The following GJD4 variants were observed in gnomAD, a reference collection of about 807,000 sequenced individuals.
The protein encoded by GJD4 is gap junction protein delta 4, also known as gap junction delta-4 protein.
Under a neutral mutation model 17.9 loss-of-function variants are expected in GJD4, and 18 were observed. The ratio of observed to expected loss-of-function variants is 1.00; its 90% confidence interval spans 0.69 to 1.49. The LOEUF (loss-of-function observed/expected upper bound fraction) is 1.49, where lower values mean the gene tolerates loss of function less well. Ranked by LOEUF, GJD4 falls within the 40% of genes most tolerant of loss-of-function variation. The pLI is 0.00. For synonymous variants in GJD4, 293 were observed against 236.8 expected, an observed-to-expected ratio of 1.24 and a Z score of -2.18; for missense variants, 639 against 506.9, an observed-to-expected ratio of 1.26 and a Z score of -2.50.
rs1369423848 is a variant in GJD4, at chr10:35,607,774, C to T, written c.261C>T (p.Leu87=). 2 of 1,609,496 alleles carry T rather than the reference C, an allele frequency of 1.2e-6. No homozygotes were observed. The highest frequency in any genetic ancestry group is 1.7e-6 in the Non-Finnish European group (2 of 1,179,994). The change falls in exon 2 of 2, where the codon CTC becomes CTT. Residue 87 remains leucine, a synonymous_variant. Coordinates refer to ENST00000321660, the MANE Select transcript of GJD4 (RefSeq NM_153368.3). ...TGATCCAGGGCGTGTGCGTCCTCCT[C>T]CCCTCCGCCGTCTTCAGCGTCTATG... is the stretch of plus-strand genomic sequence containing the variant. ...FWLIQGVCVL[L]PSAVFSVYVL...
rs748959114 is a variant in GJD4, at chr10:35,608,131, GC to G, written c.619del (p.Leu207CysfsTer92). 6.2e-7 allele frequency: 1 copy of G among 1,609,220 alleles called. No homozygotes were observed. ...TGCTGTTCCTCTGGGCGGTCAGCGC[GC>G]TGTCTTTTCTGCTGGGCCTCGCCGA... ...LMLFLWAVSA[L>X]SFLLGLADLV... On this transcript the variant is annotated frameshift_variant, in exon 2 of 2. Coordinates refer to ENST00000321660, the MANE Select transcript of GJD4 (RefSeq NM_153368.3). LOFTEE classifies it high-confidence loss of function.
rs1318990973 is a variant in GJD4 at position 35,608,667 on chromosome 10, A to G, written c.*41A>G. ...GCGGTGCCCCGGGGCTCACGCCTGTAATCCCAACACTTTGGGAGGCCCAGG... is the reference window on the plus strand; with the variant it reads ...GCGGTGCCCCGGGGCTCACGCCTGTGATCCCAACACTTTGGGAGGCCCAGG... On this transcript the variant is annotated 3_prime_UTR_variant, in exon 2 of 2. Coordinates refer to ENST00000321660, the MANE Select transcript of GJD4 (RefSeq NM_153368.3). 7.1e-7 allele frequency: 1 copy of G among 1,402,828 alleles called. No individual in the cohort carries two copies. The highest frequency in any genetic ancestry group is 2.6e-5 in the East Asian group (1 of 38,986). 86.9% of individuals were successfully genotyped at this position (1,402,828 alleles called of 1,614,324 possible).
At position 35,608,331 on chromosome 10, in the gene GJD4, AG is replaced by A. The variant is rs1296044403; in HGVS notation, c.823del (p.Ala275LeufsTer24). ...CCCCCGGGTGCACGCGCCGGAGGGG[AG>A]GGGGCTGGCAGCCCCAGGCGTACAT... Reference protein sequence around the residue: ...PAPPGARAGGEGAGSPRRTSR... With the variant: ...PAPPGARAGGXGAGSPRRTSR... On this transcript the variant is annotated frameshift_variant, in exon 2 of 2. Coordinates refer to ENST00000321660, the MANE Select transcript of GJD4 (RefSeq NM_153368.3). LOFTEE classifies it high-confidence loss of function. 7 of 1,549,160 alleles carry A rather than the reference AG, an allele frequency of 4.5e-6. No individual in the cohort carries two copies. The highest frequency in any genetic ancestry group is 2.4e-5 in the South Asian group (2 of 84,038).
rs531975885 is a variant in GJD4, at chr10:35,608,534, C to G, written c.1021C>G (p.Pro341Ala). 1.9e-5 allele frequency: 29 copies of G among 1,557,066 alleles called. No homozygotes were observed. The Admixed American group carries it at 2.7e-4, about 15-fold the overall frequency. Reference sequence around the variant, plus strand: ...AGCAGCCCCCAGCCGCCTGGCCGCGCCCCCTTCCTGCAGCAGCCTGCAGCC... The same window carrying G: ...AGCAGCCCCCAGCCGCCTGGCCGCGGCCCCTTCCTGCAGCAGCCTGCAGCC... The part of the protein sequence containing the change: ...PSAAPSRLAA[P>A]PSCSSLQPPD... Residue 341 changes from proline (P) to alanine (A), a missense_variant, in exon 2 of 2, where the codon CCC becomes GCC. Coordinates refer to ENST00000321660, the MANE Select transcript of GJD4 (RefSeq NM_153368.3).
Position 35,605,388 on chromosome 10 carries a change from AG to A in GJD4, c.-177del, listed in dbSNP as rs1438215022. 18 of 649,040 alleles carry A rather than the reference AG, an allele frequency of 2.8e-5. No individual in the cohort carries two copies. In the African/African-American group the frequency reaches 3.3e-4, roughly 12 times the overall value. The allele number at this position is 649,040 out of a possible 1,614,324, so 40.2% of individuals were successfully genotyped here. ...GTTTCGCCTCAGAGGCAAACGGCTT[AG>A]GGCCGTCTCAACTTGGAGACAGAAA... is the stretch of plus-strand genomic sequence containing the variant. On this transcript the variant is annotated 5_prime_UTR_variant, in exon 1 of 2. The change abolishes the stop of an existing upstream ORF in the 5' untranslated region. Transcript: ENST00000321660.
In GJD4 at chr10:35,605,441, C is replaced by T. The variant is rs951609368; in HGVS notation, c.-127C>T. 10 of 788,772 alleles carry T rather than the reference C, an allele frequency of 1.3e-5. No individual in the cohort carries two copies. Among genetic ancestry groups the T allele is most frequent in the Middle Eastern group, 3.2e-4 (1 of 3,152 alleles). 48.9% of individuals were successfully genotyped at this position (788,772 alleles called of 1,614,324 possible). On this transcript the variant is annotated 5_prime_UTR_variant, in exon 1 of 2. Coordinates refer to ENST00000321660, the MANE Select transcript of GJD4 (RefSeq NM_153368.3). ...ACCCACCTCCTACTCCTGGCTCAGA[C>T]CTTTGCTTTCTTATCTCCAGCTCAC... is the stretch of plus-strand genomic sequence containing the variant.
rs768263111 is a variant in GJD4, at chr10:35,608,132, CTG to C, written c.621_622del (p.Ser208PhefsTer44). ...LMLFLWAVSA[L>X]SFLLGLADLV... ...GCTGTTCCTCTGGGCGGTCAGCGCG[CTG>C]TCTTTTCTGCTGGGCCTCGCCGACC... is the stretch of plus-strand genomic sequence containing the variant. On this transcript the variant is annotated frameshift_variant, in exon 2 of 2. Transcript: ENST00000321660. LOFTEE classifies it high-confidence loss of function. 2 of 1,609,310 alleles carry C rather than the reference CTG, an allele frequency of 1.2e-6. No homozygotes were observed. The highest frequency in any genetic ancestry group is 1.7e-6 in the Non-Finnish European group (2 of 1,178,936).
In GJD4 at chr10:35,608,677, C is replaced by G; in HGVS notation, c.*51C>G. The G allele has an allele frequency of 3.1e-6, 4 of 1,297,564 alleles. No homozygotes were observed. Among genetic ancestry groups the G allele is most frequent in the Non-Finnish European group, 4.1e-6 (4 of 964,700 alleles). The allele number at this position is 1,297,564 out of a possible 1,614,324, so 80.4% of individuals were successfully genotyped here. A position where few individuals can be genotyped will look rare whatever the true frequency, so the allele number is the denominator to read the frequency against. On this transcript the variant is annotated 3_prime_UTR_variant, in exon 2 of 2. Coordinates refer to ENST00000321660, the MANE Select transcript of GJD4 (RefSeq NM_153368.3). ...GGGGCTCACGCCTGTAATCCCAACA[C>G]TTTGGGAGGCCCAGGCAGGAGGATC...
Position 35,608,564 on chromosome 10 carries a change from G to A in GJD4, c.1051G>A (p.Asp351Asn). 1 of 1,553,746 alleles carries A rather than the reference G, an allele frequency of 6.4e-7. No individual in the cohort carries two copies. The highest frequency in any genetic ancestry group is 1.2e-5 in the South Asian group (1 of 83,804). ...PPSCSSLQPPDPPASSSGAPH... is the reference protein window; with the variant it reads ...PPSCSSLQPPNPPASSSGAPH... ...TTCCTGCAGCAGCCTGCAGCCCCCT[G>A]ACCCGCCTGCCAGCTCCAGTGGTGC... Residue 351 changes from aspartate (D) to asparagine (N), a missense_variant, in exon 2 of 2, where the codon GAC (aspartate) becomes AAC (asparagine). Transcript: ENST00000321660.
At position 35,608,638 on chromosome 10, in the gene GJD4, C is replaced by T; in HGVS notation, c.*12C>T. The T allele has an allele frequency of 1.4e-6, 2 of 1,462,172 alleles. No homozygotes were observed. The highest frequency in any genetic ancestry group is 2.5e-5 in the East Asian group (1 of 40,642). The allele number at this position is 1,462,172 out of a possible 1,614,324, so 90.6% of individuals were successfully genotyped here. A position where few individuals can be genotyped will look rare whatever the true frequency, so the allele number is the denominator to read the frequency against. On this transcript the variant is annotated 3_prime_UTR_variant, in exon 2 of 2. Transcript: ENST00000321660. ...CTGAGTGGGTGTGAAAAAAACAGCA[C>T]CTGGCGGTGCCCCGGGGCTCACGCC...
chr10:35,607,408 C>G (rs973438084), intron 1 of GJD4, 170 bp from the exon 2 acceptor site: 2 of 625,138 alleles, frequency 3.2e-6, no homozygotes, highest in African/African-American at 1.8e-5. Context: ...CAATATAGCA[C>G]GACCCTGTGT....
intron 1 of GJD4, chr10:35,605,897 C>G: frequency 2.0e-6 from 1 of 490,338 alleles, no homozygotes; most frequent in Admixed American, 3.6e-5. Context: ...TCATCCTGTG[C>G]TGACACTGGG....
At position 35,608,331 on chromosome 10, in the gene GJD4, A is replaced by AG; in HGVS notation, c.823dup (p.Ala275GlyfsTer19). 1.9e-6 allele frequency: 3 copies of AG among 1,549,160 alleles called. No individual in the cohort carries two copies. Among genetic ancestry groups the AG allele is most frequent in the Non-Finnish European group, 1.7e-6 (2 of 1,147,906 alleles). On this transcript the variant is annotated frameshift_variant, in exon 2 of 2. Transcript: ENST00000321660. LOFTEE classifies it high-confidence loss of function. ...CCCCCGGGTGCACGCGCCGGAGGGG[A>AG]GGGGGCTGGCAGCCCCAGGCGTACA...
Position 35,608,310 on chromosome 10 carries a change from CG to C in GJD4, c.800del (p.Gly267ValfsTer32), listed in dbSNP as rs1037032678. 2.6e-6 allele frequency: 4 copies of C among 1,546,750 alleles called. No individual in the cohort carries two copies. The South Asian group carries it at 4.8e-5, about 18-fold the overall frequency. On this transcript the variant is annotated frameshift_variant, in exon 2 of 2. Coordinates refer to ENST00000321660, the MANE Select transcript of GJD4 (RefSeq NM_153368.3). LOFTEE classifies it high-confidence loss of function. The stretch of plus-strand genomic sequence containing the variant: ...GAGGAAGAGGGGGCACCGGCGCCCC[CG>C]GGTGCACGCGCCGGAGGGGAGGGGG... ...GREEEGAPAP[P>X]GARAGGEGAG...
In GJD4 at chr10:35,608,894, C is replaced by T. The variant is rs777809162; in HGVS notation, c.*268C>T. 10 of 307,274 alleles carry T rather than the reference C, an allele frequency of 3.3e-5. No individual in the cohort carries two copies. The highest frequency in any genetic ancestry group is 9.8e-5 in the African/African-American group (4 of 40,998). The allele number at this position is 307,274 out of a possible 1,614,324, so 19.0% of individuals were successfully genotyped here. A position where few individuals can be genotyped will look rare whatever the true frequency, so the allele number is the denominator to read the frequency against. On this transcript the variant is annotated 3_prime_UTR_variant, in exon 2 of 2. Coordinates refer to ENST00000321660, the MANE Select transcript of GJD4 (RefSeq NM_153368.3). The stretch of plus-strand genomic sequence containing the variant: ...TCGAGGCTGCAGTGAGCCAAGATCA[C>T]GGCACTGCGCTGCAGCCTGGGCAAC...
At chr10:35,607,406 C>T in intron 1 of GJD4, 172 bp from the exon 2 acceptor site, 1 of 623,502 alleles carries the variant, frequency 1.6e-6, no homozygotes, top group African/African-American at 1.8e-5. Flanking sequence ...GGCAATATAG[C>T]ACGACCCTGT....
chr10:35,605,619 G>A lies in GJD4; in HGVS notation c.52G>A (p.Val18Met), dbSNP rs751471982. The change falls in exon 1 of 2, where the codon GTG (valine) becomes ATG (methionine). Residue 18 changes from valine to methionine, a missense_variant. By Grantham distance (21) the Val-to-Met change is conservative. Coordinates refer to ENST00000321660, the MANE Select transcript of GJD4 (RefSeq NM_153368.3). ...TCTCATCATCACATTAAACTGCAAC[G>A]TGACCATGGTGGGTGAGTATTGGGA... The part of the protein sequence containing the change: ...GFLIITLNCN[V>M]TMVGKLWFVL... 4.3e-6 allele frequency: 7 copies of A among 1,612,876 alleles called. No homozygotes were observed. In the East Asian group the frequency reaches 6.7e-5, roughly 15 times the overall value.
intron 1 of GJD4, 197 bp from the exon 2 acceptor site, chr10:35,607,381 T>A: frequency 1.7e-6 from 1 of 577,254 alleles, no homozygotes; most frequent in Non-Finnish European, 3.1e-6. Context: ...AGGCCAGGAG[T>A]TCAAGACCAG....
rs1404615343 is a variant in GJD4, at chr10:35,608,486, T to C, written c.973T>C (p.Ser325Pro). The change falls in exon 2 of 2, where the codon TCA becomes CCA. Residue 325 changes from serine (S) to proline (P), a missense_variant. Ser to Pro is a moderately conservative substitution (Grantham distance 74). Transcript: ENST00000321660. ...AGAGGCCGCCCAGGACCCCAGGGGC[T>C]CAGGATCCGAGGAGCAGCCCTCAGC... ...HREAAQDPRGSGSEEQPSAAP... is the reference protein window; with the variant it reads ...HREAAQDPRGPGSEEQPSAAP... The C allele has an allele frequency of 6.5e-6, 10 of 1,544,274 alleles. No individual in the cohort carries two copies. Among genetic ancestry groups the C allele is most frequent in the Non-Finnish European group, 8.7e-6 (10 of 1,146,636 alleles).
Sources: gnomAD v4.1 joint callset for allele counts on GRCh38, gnomAD v4.1.1 for gene constraint, MANE v1.5 for transcripts, NCBI Gene and HGNC (gene_info 2026-07-23, HGNC 2026-07-21) for gene names.